The following LARGE1 variants were observed in gnomAD, a reference collection of about 807,000 sequenced individuals.
The protein encoded by LARGE1 is LARGE xylosyl- and glucuronyltransferase 1, also known as xylosyl- and glucuronyltransferase LARGE1.
A neutral mutation model predicts 87.6 loss-of-function variants in LARGE1; 43 were observed. The observed-to-expected ratio is 0.49, with a 90% CI of 0.38 to 0.63. The LOEUF (loss-of-function observed/expected upper bound fraction) is 0.63. Among genes scored for constraint, LARGE1 ranks in the 30% least tolerant of loss-of-function variants. The pLI is 0.00. For missense variants in LARGE1, 802 were observed against 1,000.2 expected, an observed-to-expected ratio of 0.80 and a Z score of 2.67; for synonymous variants, 434 against 394.6, an observed-to-expected ratio of 1.10 and a Z score of -1.18.
chr22:33,157,090 T>C, the LARGE1 span, among the ~76,000 whole-genome samples: 5 of 152,332 alleles, frequency 3.3e-5, no homozygotes, highest in Middle Eastern at 3.4e-3. Flanking sequence ...CAGTCTCAAG[T>C]ATGTCTTTAT....
the LARGE1 span, chr22:33,116,426 C>T: frequency 6.6e-6 from 1 of 152,188 alleles, no homozygotes; most frequent in East Asian, 1.9e-4. Flanking sequence ...TCGATCTCGG[C>T]TCACTGCAAG....
chr22:33,096,283 G>A, the LARGE1 span, among the ~76,000 whole-genome samples: 1 of 151,988 alleles, frequency 6.6e-6, no homozygotes. Flanking sequence ...GGGCATGGTA[G>A]TGCATGCCTG....
the LARGE1 span, among the ~76,000 whole-genome samples, chr22:33,082,539 T>C: frequency 5.9e-5 from 9 of 152,196 alleles, 1 homozygote; most frequent in Admixed American, 5.9e-4. Context: ...GAAAACCTCC[T>C]GAGAAAGGTT....
chr22:33,747,736 A>C (rs1017255149), intron 2 of LARGE1: 1 of 152,254 alleles, frequency 6.6e-6, no homozygotes, highest in African/African-American at 2.4e-5. Context: ...CCAGTGCCCT[A>C]GACAGTGCCT....
intron 1 of LARGE1, among the ~76,000 whole-genome samples, chr22:33,918,755 A>AT (rs2065857917): frequency 2.0e-5 from 3 of 152,108 alleles, no homozygotes; most frequent in Non-Finnish European, 4.4e-5. Context: ...TGAGAAGAAA[A>AT]ATTAACCCGA....
At chr22:33,542,530 G>C (rs563806584) in intron 6 of LARGE1, among the ~76,000 whole-genome samples, 32 of 151,142 alleles carry the variant, frequency 2.1e-4, no homozygotes, top group African/African-American at 7.3e-4. Context: ...CCAGAGGCCA[G>C]AGACCTAATT....
intron 1 of LARGE1, among the ~76,000 whole-genome samples, chr22:33,850,771 G>C (rs1266874596): frequency 6.6e-6 from 1 of 152,156 alleles, no homozygotes; most frequent in African/African-American, 2.4e-5. Context: ...AAAGGTAGCA[G>C]CTGGATCCCA....
rs139221095 is a variant in LARGE1 at position 33,603,304 on chromosome 22, T to A, written c.615+1131A>T. 5.9e-5 allele frequency among the ~76,000 whole-genome samples: 9 copies of A among 152,300 alleles called. No individual in the cohort carries two copies. The East Asian group carries it at 1.2e-3, about 20-fold the overall frequency. On this transcript the variant is annotated intron_variant, in intron 5 of 14. Transcript: ENST00000397394. ...GTCAGCCTCATGCTTAGGTGTTGAGTCCTTCCCAAGGTGATCAGAGACAGA... is the reference window on the plus strand; with the variant it reads ...GTCAGCCTCATGCTTAGGTGTTGAGACCTTCCCAAGGTGATCAGAGACAGA...
intron 1 of LARGE1, among the ~76,000 whole-genome samples, chr22:33,907,990 G>C (rs901192877): frequency 6.6e-6 from 1 of 152,140 alleles, no homozygotes; most frequent in East Asian, 1.9e-4. Context: ...GTGTACCCCA[G>C]GAATGCCCAA....
the LARGE1 span, among the ~76,000 whole-genome samples, chr22:33,149,731 G>A: frequency 6.6e-6 from 1 of 152,138 alleles, no homozygotes; most frequent in Non-Finnish European, 1.5e-5. Context: ...AGTAATTCAC[G>A]TTTTTGGCAA....
chr22:33,879,601 C>T (rs889209019), intron 1 of LARGE1, among the ~76,000 whole-genome samples: 1 of 152,190 alleles, frequency 6.6e-6, no homozygotes. Flanking sequence ...CTTTTCCCAT[C>T]GACTTATTCT....
chr22:33,616,800 T>G (rs1479078513), intron 4 of LARGE1, among the ~76,000 whole-genome samples: 1 of 152,160 alleles, frequency 6.6e-6, no homozygotes, highest in Non-Finnish European at 1.5e-5. Context: ...TAGTGGTTGG[T>G]ATGGGATGGG....
the LARGE1 span, among the ~76,000 whole-genome samples, chr22:33,144,100 T>C: frequency 2.0e-5 from 3 of 152,196 alleles, no homozygotes; most frequent in Non-Finnish European, 4.4e-5. Flanking sequence ...TGTTTCAATA[T>C]ACTGTTTATT....
At chr22:33,332,180 A>G (rs1354657175) in intron 10 of LARGE1, among the ~76,000 whole-genome samples, 1 of 152,110 alleles carries the variant, frequency 6.6e-6, no homozygotes, top group Non-Finnish European at 1.5e-5. Context: ...AGCTCCCATA[A>G]TTGCTACATG....
At chr22:33,196,965 C>T (rs367903177) in intron 11 of LARGE1, among the ~76,000 whole-genome samples, 2 of 152,128 alleles carry the variant, frequency 1.3e-5, no homozygotes, top group East Asian at 3.9e-4. Flanking sequence ...TGATAATTCC[C>T]CATGATGTGG....
chr22:33,847,108 C>G (rs1180147952), intron 1 of LARGE1, among the ~76,000 whole-genome samples: 2 of 152,164 alleles, frequency 1.3e-5, no homozygotes, highest in African/African-American at 4.8e-5. Context: ...TGATGTCTCC[C>G]CCGGATGCCC....
Position 33,235,651 on chromosome 22 carries a change from C to T in LARGE1, c.1730+68578G>A, listed in dbSNP as rs148504234. Reference sequence around the variant, plus strand: ...TCTGAACACCTTCCCCTACGTGTAGCCTCTCCGGGTGGCATGGACTTCTCA... The same window carrying T: ...TCTGAACACCTTCCCCTACGTGTAGTCTCTCCGGGTGGCATGGACTTCTCA... On this transcript the variant is annotated intron_variant, in intron 11 of 11. Transcript: ENST00000608642. 9.0e-4 allele frequency among the ~76,000 whole-genome samples: 137 copies of T among 152,238 alleles called. 1 individual carries two copies. In the East Asian group the frequency reaches 0.018, roughly 20 times the overall value.
intron 11 of LARGE1, among the ~76,000 whole-genome samples, chr22:33,201,734 C>T (rs1924406300): frequency 6.6e-6 from 1 of 152,162 alleles, no homozygotes; most frequent in African/African-American, 2.4e-5. Context: ...GGGCCAGATC[C>T]TGTTGGGTCT....
chr22:33,360,775 A>G (rs562860998), intron 9 of LARGE1, among the ~76,000 whole-genome samples: 1 of 149,620 alleles, frequency 6.7e-6, no homozygotes, highest in African/African-American at 2.5e-5. Context: ...AGATAATTGC[A>G]GTTTTCCTGC....
Sources: allele counts gnomAD v4.1 joint callset (sites outside exome capture counted in the v4.1 genomes callset), GRCh38; gene constraint gnomAD v4.1.1; transcripts MANE v1.5; gene names NCBI Gene and HGNC (gene_info 2026-07-23, HGNC 2026-07-21).